NXPE2: variants seen among roughly 807,000 people sequenced by gnomAD.
NXPE2 encodes neurexophilin and PC-esterase domain family member 2.
A neutral mutation model predicts 34.4 loss-of-function variants in NXPE2; 34 were observed. That is an observed-to-expected ratio of 0.99 (90% CI 0.75 to 1.31). The LOEUF is 1.31. Among genes scored for constraint, NXPE2 ranks in the 40% most tolerant of loss-of-function variants. NXPE2 has a pLI of 0.00. For missense variants in NXPE2, 649 were observed against 672.5 expected, an observed-to-expected ratio of 0.97 and a Z score of 0.39; for synonymous variants, 235 against 231.3, an observed-to-expected ratio of 1.02 and a Z score of -0.15.
the NXPE2 span, chr11:114,529,997 T>C: frequency 5.0e-6 from 3 of 599,450 alleles, no homozygotes; most frequent in South Asian, 2.2e-5. Context: ...TGGGACAATA[T>C]AGTGAAAATG....
chr11:114,637,024 C>T, the NXPE2 span, among the ~76,000 whole-genome samples: 5 of 152,196 alleles, frequency 3.3e-5, no homozygotes, highest in African/African-American at 4.8e-5. Context: ...TCGTTGTTGA[C>T]TTTCTGTCTC....
chr11:114,582,937 A>T, the NXPE2 span: 7 of 1,613,900 alleles, frequency 4.3e-6, no homozygotes, highest in Non-Finnish European at 5.9e-6. Context: ...GGCTTTAATG[A>T]TATCAGTGGT....
the NXPE2 span, among the ~76,000 whole-genome samples, chr11:114,666,294 T>C: frequency 6.6e-6 from 1 of 152,130 alleles, no homozygotes; most frequent in African/African-American, 2.4e-5. Context: ...TTACGACATT[T>C]CTTGCTAGCC....
At chr11:114,580,359 T>C in the NXPE2 span, 1 of 1,605,542 alleles carries the variant, frequency 6.2e-7, no homozygotes, top group Non-Finnish European at 8.5e-7. Context: ...ATCAATGAGA[T>C]AGGATCTTCC....
chr11:114,761,746 T>C, the NXPE2 span, among the ~76,000 whole-genome samples: 2 of 150,760 alleles, frequency 1.3e-5, no homozygotes, highest in Admixed American at 6.6e-5. Context: ...GCTAATTTTT[T>C]TGTATTTTTA....
chr11:114,618,353 A>G, the NXPE2 span, among the ~76,000 whole-genome samples: 4 of 152,006 alleles, frequency 2.6e-5, no homozygotes, highest in African/African-American at 9.6e-5. Context: ...TACCTGGTCA[A>G]TAATAAGTGT....
At chr11:114,769,584 G>A in the NXPE2 span, among the ~76,000 whole-genome samples, 11 of 152,254 alleles carry the variant, frequency 7.2e-5, no homozygotes, top group African/African-American at 2.6e-4. Context: ...ATGATAGACT[G>A]GATAAAGAAA....
chr11:114,524,430 G>T, the NXPE2 span, among the ~76,000 whole-genome samples: 4 of 152,182 alleles, frequency 2.6e-5, no homozygotes, highest in African/African-American at 4.8e-5. Context: ...TATTGTATTT[G>T]TAACCTATGG....
At chr11:114,646,348 C>T in the NXPE2 span, among the ~76,000 whole-genome samples, 1 of 151,240 alleles carries the variant, frequency 6.6e-6, no homozygotes, top group African/African-American at 2.4e-5. Flanking sequence ...TAATCAAGTT[C>T]TTTTCTGTAT....
At chr11:114,600,822 G>A in the NXPE2 span, among the ~76,000 whole-genome samples, 2 of 151,924 alleles carry the variant, frequency 1.3e-5, no homozygotes, top group Non-Finnish European at 1.5e-5. Context: ...GCTGGCTGAA[G>A]GATATATGAG....
the NXPE2 span, among the ~76,000 whole-genome samples, chr11:114,744,948 A>C: frequency 6.6e-6 from 1 of 152,242 alleles, no homozygotes; most frequent in African/African-American, 2.4e-5. Flanking sequence ...TTAATAAATA[A>C]GAATATACAT....
the NXPE2 span, among the ~76,000 whole-genome samples, chr11:114,469,249 C>T: frequency 5.2e-3 from 769 of 147,264 alleles, 6 homozygotes; most frequent in African/African-American, 0.018. Flanking sequence ...GTAGCTGGGA[C>T]TACAGGCGCC....
the NXPE2 span, among the ~76,000 whole-genome samples, chr11:114,811,951 C>T: frequency 6.6e-3 from 1,005 of 152,252 alleles, 8 homozygotes; most frequent in African/African-American, 0.023. Context: ...AATTAACTAT[C>T]GCATGCTTAG....
At chr11:114,574,187 A>G in the NXPE2 span, among the ~76,000 whole-genome samples, 24 of 152,182 alleles carry the variant, frequency 1.6e-4, no homozygotes, top group African/African-American at 5.5e-4. Context: ...ACAAGCTATC[A>G]AAACCTCTGG....
the NXPE2 span, among the ~76,000 whole-genome samples, chr11:114,794,914 G>A: frequency 6.6e-6 from 1 of 150,666 alleles, no homozygotes; most frequent in Non-Finnish European, 1.5e-5. Context: ...AAGCTCAGGA[G>A]GCAAATTAAC....
At chr11:114,756,436 C>T in the NXPE2 span, among the ~76,000 whole-genome samples, 1 of 152,124 alleles carries the variant, frequency 6.6e-6, no homozygotes, top group Admixed American at 6.5e-5. Context: ...TTTCATTCTA[C>T]AATAAAATAT....
At chr11:114,527,826 C>T in the NXPE2 span, 1 of 1,596,600 alleles carries the variant, frequency 6.3e-7, no homozygotes, top group Non-Finnish European at 8.5e-7. Flanking sequence ...TAACTCAGGA[C>T]AGAGCCAACT....
At chr11:114,792,860 C>G in the NXPE2 span, among the ~76,000 whole-genome samples, 1 of 152,158 alleles carries the variant, frequency 6.6e-6, no homozygotes, top group Non-Finnish European at 1.5e-5. Flanking sequence ...TATTATTATT[C>G]TCATTTTATA....
At chr11:114,475,926 C>T in the NXPE2 span, among the ~76,000 whole-genome samples, 4 of 152,228 alleles carry the variant, frequency 2.6e-5, no homozygotes, top group South Asian at 6.2e-4. Context: ...AGTAGCCAAT[C>T]ACCAACAGAC....
Sources: allele counts gnomAD v4.1 joint callset (sites outside exome capture counted in the v4.1 genomes callset), GRCh38; gene constraint gnomAD v4.1.1; transcripts MANE v1.5; gene names NCBI Gene and HGNC (gene_info 2026-07-23, HGNC 2026-07-21).